Variants in GPR39 observed in about 807,000 individuals in gnomAD.
GPR39 encodes the protein G protein-coupled receptor 39.
A neutral mutation model predicts 18.4 loss-of-function variants in GPR39; 23 were observed. The observed-to-expected ratio is 1.25, with a 90% CI of 0.90 to 1.77. The LOEUF is 1.77. Among genes scored for constraint, GPR39 ranks in the 40% most tolerant of loss-of-function variants. The pLI, the probability that GPR39 is intolerant of heterozygous loss-of-function variation, is 0.00. For synonymous variants in GPR39, 280 were observed against 257.9 expected (o/e 1.09, Z -0.82); for missense variants, 647 against 602.4 (o/e 1.07, Z -0.78).
intron 1 of GPR39, among the ~76,000 whole-genome samples, chr2:132,505,801 A>G (rs1024899960): frequency 1.3e-5 from 2 of 152,172 alleles, no homozygotes; most frequent in African/African-American, 2.4e-5. Flanking sequence ...CCATTCATCC[A>G]TTGGTGGACA....
At chr2:132,473,511 T>G (rs1681070238) in intron 1 of GPR39, among the ~76,000 whole-genome samples, 1 of 152,156 alleles carries the variant, frequency 6.6e-6, no homozygotes, top group African/African-American at 2.4e-5. Context: ...ACTGTAGTCC[T>G]TGCCATGGAA....
intron 1 of GPR39, among the ~76,000 whole-genome samples, chr2:132,433,059 A>T (rs1680251138): frequency 6.6e-6 from 1 of 152,252 alleles, no homozygotes; most frequent in African/African-American, 2.4e-5. Flanking sequence ...TTGAACAAAC[A>T]AATGGTAAAG....
intron 1 of GPR39, among the ~76,000 whole-genome samples, chr2:132,590,847 G>T (rs1680815860): frequency 6.6e-6 from 1 of 151,678 alleles, no homozygotes; most frequent in South Asian, 2.1e-4. Flanking sequence ...GTGTGTGTGT[G>T]TGTGTCTTGT....
intron 1 of GPR39, among the ~76,000 whole-genome samples, chr2:132,614,286 A>G (rs927618935): frequency 2.6e-5 from 4 of 151,950 alleles, no homozygotes; most frequent in African/African-American, 9.7e-5. Context: ...GGCTCACTGC[A>G]ACCTCCATCT....
chr2:132,638,438 G>C (rs1226482286), intron 1 of GPR39, among the ~76,000 whole-genome samples: 1 of 152,196 alleles, frequency 6.6e-6, no homozygotes, highest in Non-Finnish European at 1.5e-5. Context: ...CAGATTGTGG[G>C]CCACACCCTC....
rs115638086 is a variant in GPR39 at position 132,579,210 on chromosome 2, A to G, written c.857-65891A>G. Among the ~76,000 whole-genome samples the G allele has an allele frequency of 5.8e-3, 875 of 151,384 alleles. 7 individuals carry two copies. The highest frequency in any genetic ancestry group is 0.02 in the African/African-American group (838 of 41,260). ...CAGTGTATTTTTAACATTCCTCTTA[A>G]GACTTCCTCTTTGATTCATGGATTA... is the stretch of plus-strand genomic sequence containing the variant. On this transcript the variant is annotated intron_variant, in intron 1 of 1. Transcript: ENST00000329321.
intron 1 of GPR39, among the ~76,000 whole-genome samples, chr2:132,456,820 G>A (rs1680736934): frequency 6.6e-6 from 1 of 152,184 alleles, no homozygotes; most frequent in Admixed American, 6.5e-5. Context: ...ACTCTCTTCT[G>A]GCTTGTAGGG....
chr2:132,513,887 G>T (rs911762988), intron 1 of GPR39, among the ~76,000 whole-genome samples: 2 of 152,098 alleles, frequency 1.3e-5, no homozygotes, highest in Non-Finnish European at 2.9e-5. Context: ...CTAATATTTT[G>T]TATTTTTTGT....
chr2:132,624,712 CAT>C (rs1431553539), intron 1 of GPR39, among the ~76,000 whole-genome samples: 1 of 152,198 alleles, frequency 6.6e-6, no homozygotes, highest in Admixed American at 6.5e-5. Context: ...CTTCAGTGGA[CAT>C]ATGTTTGTGA....
intron 1 of GPR39, among the ~76,000 whole-genome samples, chr2:132,482,322 A>G (rs1056283330): frequency 1.3e-5 from 2 of 151,488 alleles, no homozygotes; most frequent in Non-Finnish European, 2.9e-5. Flanking sequence ...AGATTTTTAC[A>G]CTCATGTTTC....
chr2:132,518,039 C>T (rs904893164), intron 1 of GPR39, among the ~76,000 whole-genome samples: 2 of 152,132 alleles, frequency 1.3e-5, no homozygotes, highest in African/African-American at 2.4e-5. Context: ...TTATATTCTT[C>T]ACTTTAATAA....
At chr2:132,637,890 C>G (rs1681792483) in intron 1 of GPR39, among the ~76,000 whole-genome samples, 1 of 152,102 alleles carries the variant, frequency 6.6e-6, no homozygotes, top group Admixed American at 6.5e-5. Flanking sequence ...GACCCAATTG[C>G]CTTCTCAAGA....
chr2:132,484,170 T>G (rs1031207995), intron 1 of GPR39, among the ~76,000 whole-genome samples: 12 of 152,222 alleles, frequency 7.9e-5, no homozygotes, highest in Non-Finnish European at 1.5e-5. Flanking sequence ...TTGCGCTAGT[T>G]ACAGGCATGT....
intron 1 of GPR39, among the ~76,000 whole-genome samples, chr2:132,589,952 A>G (rs1053525270): frequency 6.6e-6 from 1 of 152,206 alleles, no homozygotes; most frequent in Non-Finnish European, 1.5e-5. Flanking sequence ...CCTTAATTTT[A>G]TTTCTCAGTA....
At chr2:132,444,319 G>T (rs182352492) in intron 1 of GPR39, among the ~76,000 whole-genome samples, 1 of 151,712 alleles carries the variant, frequency 6.6e-6, no homozygotes, top group South Asian at 2.1e-4. Flanking sequence ...TAAAGACAGG[G>T]TCTCACTCTT....
Position 132,498,613 on chromosome 2 carries a change from C to T in GPR39, c.856+80715C>T, listed in dbSNP as rs554282046. On this transcript the variant is annotated intron_variant, in intron 1 of 1. Coordinates refer to ENST00000329321, the MANE Select transcript of GPR39 (RefSeq NM_001508.3). ...ATAGTGGTGGGATTGCTGGATCAAA[C>T]GGTTGACCTACTTTTAGTTCTTTGA... Among the ~76,000 whole-genome samples, 38 of 152,240 alleles carry T rather than the reference C, an allele frequency of 2.5e-4. No homozygotes were observed. The South Asian group carries it at 6.6e-3, about 27-fold the overall frequency.
At chr2:132,551,993 T>C (rs2104795520) in intron 1 of GPR39, among the ~76,000 whole-genome samples, 1 of 152,246 alleles carries the variant, frequency 6.6e-6, no homozygotes, top group Middle Eastern at 3.4e-3. Context: ...ATAGCACCAA[T>C]AGGATGTGTG....
At chr2:132,448,826 G>A (rs553074416) in intron 1 of GPR39, among the ~76,000 whole-genome samples, 3 of 152,234 alleles carry the variant, frequency 2.0e-5, no homozygotes, top group East Asian at 1.9e-4. Context: ...TAATCATGCG[G>A]CAAAATCTCA....
intron 1 of GPR39, among the ~76,000 whole-genome samples, chr2:132,566,471 G>A (rs1680351575): frequency 6.6e-6 from 1 of 152,186 alleles, no homozygotes; most frequent in Non-Finnish European, 1.5e-5. Flanking sequence ...ATCAGAAGCG[G>A]GGTGAGGCCA....
Sources: allele counts gnomAD v4.1 joint callset (sites outside exome capture counted in the v4.1 genomes callset), GRCh38; gene constraint gnomAD v4.1.1; transcripts MANE v1.5; gene names NCBI Gene and HGNC (gene_info 2026-07-23, HGNC 2026-07-21).